The following SLC22A23 variants were observed in gnomAD, a reference collection of about 807,000 sequenced individuals.
The protein encoded by SLC22A23 is ion transporter protein.
SLC22A23 carries 26 observed loss-of-function variants against 61.0 expected under a neutral mutation model. That is an observed-to-expected ratio of 0.43 (90% CI 0.31 to 0.59). SLC22A23 has a LOEUF of 0.59. Ranked by LOEUF, SLC22A23 falls within the 20% of genes least tolerant of loss-of-function variation. SLC22A23 has a pLI of 0.11. For synonymous variants in SLC22A23, 430 were observed against 413.9 expected (o/e 1.04, Z -0.47); for missense variants, 796 against 934.7 (o/e 0.85, Z 1.94).
chr6:3,346,308 C>A (rs1764434948), intron 3 of SLC22A23, among the ~76,000 whole-genome samples: 2 of 152,248 alleles, frequency 1.3e-5, no homozygotes, highest in Admixed American at 1.3e-4. Flanking sequence ...CTGCAATCAC[C>A]CCTGCCCCTC....
chr6:3,428,310 T>C (rs758261522), intron 1 of SLC22A23, among the ~76,000 whole-genome samples: 2 of 152,174 alleles, frequency 1.3e-5, no homozygotes, highest in Non-Finnish European at 2.9e-5. Context: ...GTTTTAATAT[T>C]GGTGACAGGC....
intron 7 of SLC22A23, among the ~76,000 whole-genome samples, chr6:3,285,505 C>T (rs933578334): frequency 1.3e-5 from 2 of 152,208 alleles, no homozygotes; most frequent in African/African-American, 4.8e-5. Flanking sequence ...CTCACGGCTG[C>T]TTGGTGTTCG....
At chr6:3,455,545 C>A (rs1772355474) in intron 1 of SLC22A23, among the ~76,000 whole-genome samples, 1 of 152,182 alleles carries the variant, frequency 6.6e-6, no homozygotes, top group Non-Finnish European at 1.5e-5. Flanking sequence ...GACAACTAGC[C>A]GGGCAGAACA....
intron 3 of SLC22A23, among the ~76,000 whole-genome samples, chr6:3,339,592 A>C (rs905489540): frequency 1.1e-4 from 17 of 152,316 alleles, no homozygotes; most frequent in Non-Finnish European, 2.4e-4. Context: ...CTGATAAAAC[A>C]GGTTGCAGTA....
chr6:3,328,678 CCTG>C lies in SLC22A23; in HGVS notation c.914-4679_914-4677del, dbSNP rs1295083495. ...TGGACGGCAGTGCCCGCCCCCATGC[CCTG>C]GAGTCCTGATGGCTGGCCCTCCCGC... On this transcript the variant is annotated intron_variant, in intron 3 of 9. Transcript: ENST00000406686. This position sits in a 1 kb window ranked among gnomAD's most constrained non-coding sequence, Gnocchi z 5.0. 6.6e-6 allele frequency among the ~76,000 whole-genome samples: 1 copy of C among 152,116 alleles called. No individual in the cohort carries two copies. Among genetic ancestry groups the C allele is most frequent in the African/African-American group, 2.4e-5 (1 of 41,422 alleles).
At chr6:3,274,404 G>T (rs1167327327) in intron 9 of SLC22A23, among the ~76,000 whole-genome samples, 3 of 152,322 alleles carry the variant, frequency 2.0e-5, no homozygotes, top group Non-Finnish European at 1.5e-5. Context: ...AGGGAGTGGA[G>T]TTGTGTGCCT....
chr6:3,444,964 A>G (rs1384408391), intron 1 of SLC22A23: 1 of 984,956 alleles, frequency 1.0e-6, no homozygotes, highest in Non-Finnish European at 1.2e-6. Context: ...TCCTCACCCC[A>G]CCAAGGGGAG....
At chr6:3,445,907 A>C (rs1771873541) in intron 1 of SLC22A23, among the ~76,000 whole-genome samples, 2 of 152,108 alleles carry the variant, frequency 1.3e-5, no homozygotes, top group Non-Finnish European at 2.9e-5. Context: ...GGAGCCATGG[A>C]AGGCTTCAAG....
intron 3 of SLC22A23, among the ~76,000 whole-genome samples, chr6:3,391,054 T>C (rs889634557): frequency 1.1e-4 from 17 of 152,224 alleles, no homozygotes; most frequent in African/African-American, 3.4e-4. Context: ...AGATCAGCCC[T>C]GTCCCTTCTC....
Position 3,293,999 on chromosome 6 carries a change from G to A in SLC22A23, c.1210+4092C>T, listed in dbSNP as rs114077689. 1.5e-3 allele frequency among the ~76,000 whole-genome samples: 223 copies of A among 152,288 alleles called. 1 individual carries two copies. The highest frequency in any genetic ancestry group is 5.1e-3 in the African/African-American group (211 of 41,558). On this transcript the variant is annotated intron_variant, in intron 5 of 9. Coordinates refer to ENST00000406686, the MANE Select transcript of SLC22A23 (RefSeq NM_015482.2). Reference sequence around the variant, plus strand: ...CCCGGAGAGGACTGATGCTGAGGACGGAGGATGCCTGCACCCTGCACGTGG... The same window carrying A: ...CCCGGAGAGGACTGATGCTGAGGACAGAGGATGCCTGCACCCTGCACGTGG...
intron 4 of SLC22A23, chr6:3,312,048 C>T (rs1040943197): frequency 6.6e-6 from 1 of 152,236 alleles, no homozygotes; most frequent in Non-Finnish European, 1.5e-5. Flanking sequence ...CCTGACAACG[C>T]ACTGAATAAA....
Position 3,283,971 on chromosome 6 carries a change from C to T in SLC22A23, c.1584G>A (p.Met528Ile), listed in dbSNP as rs745493017. The change falls in exon 9 of 10, where the codon ATG becomes ATA. Residue 528 changes from methionine (M) to isoleucine (I), a missense_variant. Transcript: ENST00000406686. ...GKYSQHPDSGMSDSVKDKFSI... is the reference protein window; with the variant it reads ...GKYSQHPDSGISDSVKDKFSI... ...AAAATTTGTCCTTGACGCTGTCACT[C>T]ATCCCTGGGGGAAGGTCAGAAGAAG... 1.2e-5 allele frequency: 20 copies of T among 1,604,120 alleles called. No individual in the cohort carries two copies. Among genetic ancestry groups the T allele is most frequent in the Non-Finnish European group, 1.5e-5 (18 of 1,172,400 alleles).
rs930088466 is a variant in SLC22A23 at position 3,386,152 on chromosome 6, A to G, written c.913+24036T>C. Among the ~76,000 whole-genome samples the G allele has an allele frequency of 2.6e-5, 4 of 152,124 alleles. No individual in the cohort carries two copies. The highest frequency in any genetic ancestry group is 1.3e-4 in the Admixed American group (2 of 15,276). ...TTTCCACACCCCTCCCGGGTGTCTC[A>G]TTACCTGACGAGGTGGATTTATTAA... On this transcript the variant is annotated intron_variant, in intron 3 of 9. Transcript: ENST00000406686. The surrounding 1 kb of genome is among the most constrained non-coding windows in gnomAD (Gnocchi z 4.4).
At chr6:3,394,960 A>G (rs1767912035) in intron 3 of SLC22A23, among the ~76,000 whole-genome samples, 1 of 152,174 alleles carries the variant, frequency 6.6e-6, no homozygotes, top group Admixed American at 6.5e-5. Context: ...AAACCACACC[A>G]TCAACCCAGT....
intron 6 of SLC22A23, 129 bp from the exon 7 acceptor site, chr6:3,287,220 A>G (rs1760101804): frequency 1.3e-6 from 1 of 796,932 alleles, no homozygotes; most frequent in Non-Finnish European, 2.0e-6. Flanking sequence ...AGAAAAGCCC[A>G]TCATGACCGA....
At chr6:3,340,505 T>C (rs1038562937) in intron 3 of SLC22A23, among the ~76,000 whole-genome samples, 5 of 152,168 alleles carry the variant, frequency 3.3e-5, no homozygotes, top group African/African-American at 9.7e-5. Flanking sequence ...TTTGTAAAAG[T>C]TGATAATTCT....
At position 3,434,080 on chromosome 6, in the gene SLC22A23, C is replaced by T. The variant is rs775435087; in HGVS notation, c.655-18225G>A. Among the ~76,000 whole-genome samples, 9 of 152,226 alleles carry T rather than the reference C, an allele frequency of 5.9e-5. No individual in the cohort carries two copies. In the South Asian group the frequency reaches 6.2e-4, roughly 11 times the overall value. On this transcript the variant is annotated intron_variant, in intron 1 of 9. Transcript: ENST00000406686. ...CTGTAATCCCAGCACTTTGGGAGGCCGAGGCGATGGATCACCTGGGGTCAG... is the reference window on the plus strand; with the variant it reads ...CTGTAATCCCAGCACTTTGGGAGGCTGAGGCGATGGATCACCTGGGGTCAG...
chr6:3,375,898 C>T (rs1431822453), intron 3 of SLC22A23, among the ~76,000 whole-genome samples: 2 of 152,174 alleles, frequency 1.3e-5, no homozygotes. Flanking sequence ...ATTCTGCTTA[C>T]TTGAAGTTGC....
intron 3 of SLC22A23, among the ~76,000 whole-genome samples, chr6:3,371,864 A>C (rs1766239436): frequency 6.6e-6 from 1 of 152,140 alleles, no homozygotes; most frequent in African/African-American, 2.4e-5. Flanking sequence ...ACCATTATTG[A>C]ATGTACCACC....
Sources: gnomAD v4.1 joint callset for allele counts (sites outside exome capture counted in the v4.1 genomes callset) on GRCh38, gnomAD v4.1.1 for gene constraint, Gnocchi (gnomAD v3.1) non-coding constraint, MANE v1.5 for transcripts, NCBI Gene and HGNC (gene_info 2026-07-23, HGNC 2026-07-21) for gene names.